Variants in CACNA2D1 observed in about 807,000 individuals in gnomAD.
CACNA2D1 encodes the protein calcium voltage-gated channel auxiliary subunit alpha2delta 1, also known as voltage-dependent calcium channel subunit alpha-2/delta-1.
Under a neutral mutation model 171.5 loss-of-function variants are expected in CACNA2D1, and 53 were observed. That is an observed-to-expected ratio of 0.31 (90% CI 0.25 to 0.39). The LOEUF is 0.39. CACNA2D1 is among the 10% of genes least tolerant of loss of function. CACNA2D1 has a pLI of 1.00. For missense variants in CACNA2D1, 903 were observed against 1,299.8 expected (o/e 0.69, Z 4.69); for synonymous variants, 442 against 443.1 (o/e 1.00, Z 0.03).
intron 38 of CACNA2D1, 90 bp from the exon 39 acceptor site, chr7:81,950,598 T>A (rs1207540575): frequency 6.7e-7 from 1 of 1,496,156 alleles, no homozygotes; most frequent in East Asian, 2.5e-5. Flanking sequence ...GAGTAATCCA[T>A]ATTTAGTTCA....
intron 3 of CACNA2D1, among the ~76,000 whole-genome samples, chr7:82,240,580 G>A (rs570788075): frequency 9.9e-5 from 15 of 152,096 alleles, no homozygotes; most frequent in Non-Finnish European, 1.8e-4. Flanking sequence ...CTCACAAACC[G>A]TATCTTTTAT....
At chr7:82,338,399 C>G (rs868153502) in intron 2 of CACNA2D1, among the ~76,000 whole-genome samples, 20 of 151,992 alleles carry the variant, frequency 1.3e-4, no homozygotes, top group Middle Eastern at 3.4e-3. Context: ...AATGGCTATT[C>G]ACAGAGGCAA....
chr7:82,278,792 A>G (rs1809701776), intron 3 of CACNA2D1, among the ~76,000 whole-genome samples: 1 of 152,166 alleles, frequency 6.6e-6, no homozygotes, highest in South Asian at 2.1e-4. Flanking sequence ...CGAATAGAGG[A>G]TCCAAAATTT....
intron 21 of CACNA2D1, among the ~76,000 whole-genome samples, chr7:81,990,913 A>G (rs936119004): frequency 2.6e-5 from 4 of 152,226 alleles, no homozygotes; most frequent in African/African-American, 9.6e-5. Flanking sequence ...AGTCAGTGAA[A>G]GTGAACCCTA....
intron 3 of CACNA2D1, among the ~76,000 whole-genome samples, chr7:82,248,090 G>A (rs1402166899): frequency 6.6e-6 from 1 of 151,956 alleles, no homozygotes; most frequent in African/African-American, 2.4e-5. Context: ...AGGCTCCAGT[G>A]GTAACTCTAC....
intron 2 of CACNA2D1, among the ~76,000 whole-genome samples, chr7:82,344,100 C>A (rs1818984925): frequency 6.6e-6 from 1 of 152,192 alleles, no homozygotes; most frequent in South Asian, 2.1e-4. Flanking sequence ...ACAGATAATT[C>A]TCTGTTGTGA....
intron 10 of CACNA2D1, among the ~76,000 whole-genome samples, chr7:82,043,288 G>T (rs1293241767): frequency 6.6e-6 from 1 of 152,136 alleles, no homozygotes; most frequent in Non-Finnish European, 1.5e-5. Flanking sequence ...AAGATATACA[G>T]AACATCTAAC....
intron 10 of CACNA2D1, among the ~76,000 whole-genome samples, chr7:82,045,995 A>C (rs1033629960): frequency 1.3e-5 from 2 of 152,146 alleles, no homozygotes; most frequent in African/African-American, 4.8e-5. Context: ...CCGTCATGTG[A>C]TATTCTTCAC....
rs991607267 is a variant in CACNA2D1, at chr7:81,962,454, C to T, written c.2822G>A (p.Arg941Gln). 8.1e-6 allele frequency: 13 copies of T among 1,605,174 alleles called. No homozygotes were observed. Among genetic ancestry groups the T allele is most frequent in the African/African-American group, 1.3e-5 (1 of 74,488 alleles). ...QQFLLSLTFP[R>Q]LLEAVEMEDD... ...CATTTACATACCTGCCTCAAGGAGTCGTGGAAAGGTCAAACTCAAGAGAAA... is the reference window on the plus strand; with the variant it reads ...CATTTACATACCTGCCTCAAGGAGTTGTGGAAAGGTCAAACTCAAGAGAAA... Residue 941 changes from arginine to glutamine, a missense_variant, in exon 35 of 39, where the codon CGA (arginine) becomes CAA (glutamine). Around this residue, in one of 5 missense-constraint regions of CACNA2D1, gnomAD observed 623 missense variants for 925.5 expected, o/e 0.67. Coordinates refer to ENST00000356860, the MANE Select transcript of CACNA2D1 (RefSeq NM_000722.4).
intron 1 of CACNA2D1, among the ~76,000 whole-genome samples, chr7:82,399,950 C>T (rs1051497930): frequency 2.6e-4 from 39 of 152,092 alleles, no homozygotes; most frequent in African/African-American, 9.2e-4. Context: ...TTGTTTAGCA[C>T]CTACCACAGG....
chr7:82,226,960 T>C (rs1802428792), intron 3 of CACNA2D1, among the ~76,000 whole-genome samples: 1 of 152,202 alleles, frequency 6.6e-6, no homozygotes, highest in African/African-American at 2.4e-5. Context: ...TTAGAATTCC[T>C]ATTTGCACAA....
At chr7:81,980,816 A>C (rs889118221) in intron 24 of CACNA2D1, among the ~76,000 whole-genome samples, 1 of 152,160 alleles carries the variant, frequency 6.6e-6, no homozygotes, top group African/African-American at 2.4e-5. Context: ...GAAGTGAGAT[A>C]CAAGAGAAAG....
intron 3 of CACNA2D1, among the ~76,000 whole-genome samples, chr7:82,210,896 T>C (rs913671792): frequency 1.3e-5 from 2 of 152,214 alleles, no homozygotes; most frequent in Admixed American, 1.3e-4. Flanking sequence ...ATGGGTTAAC[T>C]GCTTAATATG....
intron 6 of CACNA2D1, 142 bp downstream of exon 6, chr7:82,116,902 C>A: frequency 1.1e-6 from 1 of 908,902 alleles, no homozygotes; most frequent in Non-Finnish European, 1.8e-6. Flanking sequence ...GATTCTTTCA[C>A]ATAAATCAGA....
rs144275022 is a variant in CACNA2D1 at position 81,999,950 on chromosome 7, T to C, written c.1591-2700A>G. Among the ~76,000 whole-genome samples, 588 of 152,220 alleles carry C rather than the reference T, an allele frequency of 3.9e-3. 6 individuals carry two copies. The highest frequency in any genetic ancestry group is 0.014 in the African/African-American group (563 of 41,544). ...GGGCAGTGGCTCTGCACTTTAGACCTCCATGGGGAGCTTTAAAAACTATTT... is the reference window on the plus strand; with the variant it reads ...GGGCAGTGGCTCTGCACTTTAGACCCCCATGGGGAGCTTTAAAAACTATTT... On this transcript the variant is annotated intron_variant, in intron 18 of 38. Coordinates refer to ENST00000356860, the MANE Select transcript of CACNA2D1 (RefSeq NM_000722.4).
chr7:82,320,946 T>C (rs1815750977), intron 3 of CACNA2D1, among the ~76,000 whole-genome samples: 1 of 152,030 alleles, frequency 6.6e-6, no homozygotes, highest in Non-Finnish European at 1.5e-5. Flanking sequence ...AAGCCATTTA[T>C]ATATATATAA....
At chr7:81,979,973 G>A (rs1240466248) in intron 24 of CACNA2D1, among the ~76,000 whole-genome samples, 1 of 151,698 alleles carries the variant, frequency 6.6e-6, no homozygotes, top group East Asian at 1.9e-4. Flanking sequence ...TGTGGCCAGT[G>A]CTCCCCAAGA....
At chr7:81,966,677 C>T (rs571433383) in intron 31 of CACNA2D1, among the ~76,000 whole-genome samples, 43 of 151,380 alleles carry the variant, frequency 2.8e-4, no homozygotes, top group African/African-American at 9.9e-4. Context: ...GAAAGTAATA[C>T]AAGACACCTT....
intron 20 of CACNA2D1, among the ~76,000 whole-genome samples, chr7:81,993,919 A>G (rs1474084481): frequency 6.6e-6 from 1 of 152,118 alleles, no homozygotes; most frequent in East Asian, 1.9e-4. Flanking sequence ...CTAAGCAAAT[A>G]GAGTTGAAGT....
Sources: gnomAD v4.1 joint callset for allele counts (sites outside exome capture counted in the v4.1 genomes callset) on GRCh38, gnomAD v4.1.1 for gene constraint, gnomAD v4.1.1 regional missense constraint, MANE v1.5 for transcripts, NCBI Gene and HGNC (gene_info 2026-07-23, HGNC 2026-07-21) for gene names.